Variants in MED24 observed in about 807,000 individuals in gnomAD.
MED24 encodes mediator complex subunit 24.
MED24 carries 74 observed loss-of-function variants against 118.8 expected under a neutral mutation model. The ratio of observed to expected loss-of-function variants is 0.62; its 90% CI spans 0.52 to 0.76. The LOEUF is 0.76. MED24 is among the 30% of genes least tolerant of loss of function. MED24 has a pLI of 0.00. For missense variants in MED24, 1,041 were observed against 1,278.9 expected (o/e 0.81, Z 2.84); for synonymous variants, 521 against 523.9 (o/e 0.99, Z 0.08).
Position 40,033,011 on chromosome 17 carries a change from G to C in MED24, c.822+45C>G. ...AGAATCCTCCCTCCTGCCCCCAACA[G>C]GCTGGCCTGCCTTGGAGAAGGGAGA... On this transcript the variant is annotated intron_variant, in intron 8 of 25. Coordinates refer to ENST00000394128, the MANE Select transcript of MED24 (RefSeq NM_014815.4). This position sits in a 1 kb window ranked among gnomAD's most constrained non-coding sequence, Gnocchi z 5.2. 1 of 1,609,222 alleles carries C rather than the reference G, an allele frequency of 6.2e-7. No individual in the cohort carries two copies. Among genetic ancestry groups the C allele is most frequent in the Non-Finnish European group, 8.5e-7 (1 of 1,178,042 alleles).
At chr17:40,023,557 C>T in intron 19 of MED24, 162 bp from the exon 20 acceptor site, 2 of 651,418 alleles carry the variant, frequency 3.1e-6, no homozygotes, top group Non-Finnish European at 5.2e-6. Context: ...CCCGGGGTGA[C>T]CTGGCCCCTG....
intron 14 of MED24, among the ~76,000 whole-genome samples, chr17:40,028,380 C>G (rs746693371): frequency 2.0e-5 from 3 of 152,132 alleles, no homozygotes; most frequent in Non-Finnish European, 2.9e-5. Flanking sequence ...TCCCTAAGTG[C>G]TAGGATTACA....
chr17:40,030,017 T>C (rs188732354), intron 12 of MED24, among the ~76,000 whole-genome samples, 158 bp from the exon 13 acceptor site: 2 of 152,352 alleles, frequency 1.3e-5, no homozygotes, highest in Admixed American at 1.3e-4. Flanking sequence ...ATAGTCAATG[T>C]TGCAATCACT....
chr17:40,029,235 A>G (rs1480122259), intron 13 of MED24, among the ~76,000 whole-genome samples: 2 of 152,116 alleles, frequency 1.3e-5, no homozygotes, highest in Non-Finnish European at 2.9e-5. Context: ...GTCTCGCTCT[A>G]TCGCTGAGGC....
At chr17:40,022,083 A>C (rs1368332829) in intron 22 of MED24, 29 bp from the exon 23 acceptor site, 1 of 1,471,134 alleles carries the variant, frequency 6.8e-7, no homozygotes, top group African/African-American at 1.4e-5. Context: ...ACTGTTATAC[A>C]CCCCTAAACC....
At chr17:40,032,228 G>T in intron 9 of MED24, 138 bp from the exon 10 acceptor site, 1 of 1,024,484 alleles carries the variant, frequency 9.8e-7, no homozygotes, top group Non-Finnish European at 1.4e-6. Flanking sequence ...AGCACACTTA[G>T]TGCTAAATGA....
intron 11 of MED24, 28 bp downstream of exon 11, chr17:40,031,510 G>A (rs1983374973): frequency 1.9e-6 from 3 of 1,601,520 alleles, no homozygotes; most frequent in South Asian, 2.2e-5. Context: ...CCTTCCAGTA[G>A]GGCGGGGGTG....
intron 10 of MED24, 115 bp from the exon 11 acceptor site, chr17:40,031,735 G>A (rs1983402818): frequency 2.1e-6 from 2 of 975,548 alleles, no homozygotes; most frequent in East Asian, 2.5e-5. Flanking sequence ...TTTCTGCCTG[G>A]AGCCTGGGTG....
chr17:40,028,062 T>A, intron 14 of MED24, 116 bp from the exon 15 acceptor site: 2 of 1,058,530 alleles, frequency 1.9e-6, no homozygotes, highest in Non-Finnish European at 2.9e-6. Flanking sequence ...TGGTTAAACT[T>A]AAAATGAGAC....
At position 40,023,256 on chromosome 17, in the gene MED24, C is replaced by A; in HGVS notation, c.2125G>T (p.Glu709Ter). 6.2e-7 allele frequency: 1 copy of A among 1,614,196 alleles called. No homozygotes were observed. Among genetic ancestry groups the A allele is most frequent in the Non-Finnish European group, 8.5e-7 (1 of 1,180,026 alleles). The change falls in exon 20 of 26, where the codon GAG (glutamate) becomes TAG (stop). Residue 709 changes from glutamate to a stop codon, truncating the protein, a stop_gained. Transcript: ENST00000394128. LOFTEE classifies it high-confidence loss of function. ...NLLPPKRPIK[E>*]VLTDIFAKVL... ...TTGGCAAAAATGTCCGTCAGCACCT[C>A]TTTGATGGGCCGCTTGGGGGGCAGC...
intron 3 of MED24, among the ~76,000 whole-genome samples, chr17:40,048,714 C>T (rs920906212): frequency 1.3e-4 from 19 of 151,968 alleles, no homozygotes; most frequent in African/African-American, 2.2e-4. Context: ...CCACCACACC[C>T]GGCTAATTTT....
chr17:40,045,780 A>C (rs1985106413), intron 3 of MED24, among the ~76,000 whole-genome samples: 1 of 152,082 alleles, frequency 6.6e-6, no homozygotes, highest in Non-Finnish European at 1.5e-5. Flanking sequence ...CTGACTCTAC[A>C]CATTTTGTTT....
In MED24 at chr17:40,038,846, G is replaced by A. The variant is rs184874295; in HGVS notation, c.214-2692C>T. 1.1e-4 allele frequency among the ~76,000 whole-genome samples: 16 copies of A among 152,280 alleles called. No individual in the cohort carries two copies. In the East Asian group the frequency reaches 2.7e-3, roughly 26 times the overall value. On this transcript the variant is annotated intron_variant, in intron 3 of 25. Transcript: ENST00000394128. ...AGCCATCTTTCACTAGTACTCCTGGGTGAACAGGAGCAAAACACAGAGGGC... is the reference window on the plus strand; with the variant it reads ...AGCCATCTTTCACTAGTACTCCTGGATGAACAGGAGCAAAACACAGAGGGC...
chr17:40,043,248 T>A (rs751336409), intron 3 of MED24, among the ~76,000 whole-genome samples: 2 of 152,144 alleles, frequency 1.3e-5, no homozygotes, highest in Non-Finnish European at 2.9e-5. Flanking sequence ...TTGTTAATAA[T>A]GAGATTTTCC....
Position 40,026,700 on chromosome 17 carries a change from A to G in MED24, c.1756T>C (p.Leu586=). Residue 586 remains leucine, a synonymous_variant, in exon 18 of 26, where the codon TTG becomes CTG. Coordinates refer to ENST00000394128, the MANE Select transcript of MED24 (RefSeq NM_014815.4). The part of the protein sequence containing the change: ...EACLSISAAI[L]EILNAWENGV... ...TTCTCCCAGGCATTGAGGATTTCCA[A>G]GATGGCGGCTGAGATGCTGAGACAG... The G allele has an allele frequency of 1.2e-6, 2 of 1,612,792 alleles. No individual in the cohort carries two copies. The highest frequency in any genetic ancestry group is 2.2e-5 in the South Asian group (2 of 90,676).
rs77424481 is a variant in MED24 at position 40,034,476 on chromosome 17, G to C, written c.559+641C>G. 3.3e-4 allele frequency among the ~76,000 whole-genome samples: 50 copies of C among 152,252 alleles called. No homozygotes were observed. The East Asian group carries it at 9.7e-3, about 29-fold the overall frequency. On this transcript the variant is annotated intron_variant, in intron 6 of 25. Transcript: ENST00000394128. ...CCTGTAGGTGGTCCCAAGCCACTTG[G>C]GCTTCAAGGAGCAAGACTATGGCCT...
chr17:40,027,119 C>T (rs994027040), intron 16 of MED24, 85 bp from the exon 17 acceptor site: 2 of 1,500,598 alleles, frequency 1.3e-6, no homozygotes, highest in African/African-American at 2.8e-5. Context: ...CTGTTTCCCG[C>T]CAGGCTGCTG....
rs35743512 is a variant in MED24, at chr17:40,043,890, C to CAAAAAAAAAAAAAAAAAAAAAAAAAAAAA, written c.214-7737_214-7736insTTTTTTTTTTTTTTTTTTTTTTTTTTTTT. Among the ~76,000 whole-genome samples, 49 of 97,426 alleles carry CAAAAAAAAAAAAAAAAAAAAAAAAAAAAA rather than the reference C, an allele frequency of 5.0e-4. 4 individuals are homozygous for CAAAAAAAAAAAAAAAAAAAAAAAAAAAAA. The highest frequency in any genetic ancestry group is 8.8e-4 in the Admixed American group (8 of 9,066). 63.9% of individuals were successfully genotyped at this position (97,426 alleles called of 152,430 possible). On this transcript the variant is annotated intron_variant, in intron 3 of 25. Coordinates refer to ENST00000394128, the MANE Select transcript of MED24 (RefSeq NM_014815.4). ...TGGGCAGAAGAGCGAGACTCCATCT[C>CAAAAAAAAAAAAAAAAAAAAAAAAAAAAA]AAAAAAAAAAAAAACAAAGATTTAA...
chr17:40,020,271 AC>A lies in MED24; in HGVS notation c.2704+1del. 6.5e-7 allele frequency: 1 copy of A among 1,530,034 alleles called. No homozygotes were observed. The highest frequency in any genetic ancestry group is 1.3e-5 in the South Asian group (1 of 76,680). The allele number at this position is 1,530,034 out of a possible 1,614,324, so 94.8% of individuals were successfully genotyped here. A position where few individuals can be genotyped will look rare whatever the true frequency, so the allele number is the denominator to read the frequency against. On this transcript the variant is annotated splice_donor_variant, in intron 24 of 25. Coordinates refer to ENST00000394128, the MANE Select transcript of MED24 (RefSeq NM_014815.4). LOFTEE classifies it high-confidence loss of function. The stretch of plus-strand genomic sequence containing the variant: ...GTTCGGCAGCAGGGGTGGGGAACTC[AC>A]CCAGGACTCGGTTCAGAGGGTCCCG...
Sources: allele counts gnomAD v4.1 joint callset (sites outside exome capture counted in the v4.1 genomes callset), GRCh38; gene constraint gnomAD v4.1.1; non-coding constraint Gnocchi (gnomAD v3.1); transcripts MANE v1.5; gene names NCBI Gene and HGNC (gene_info 2026-07-23, HGNC 2026-07-21).